SLC1A3: variants seen among roughly 807,000 people sequenced by gnomAD.
SLC1A3 encodes solute carrier family 1 member 3.
SLC1A3 carries 21 observed loss-of-function variants against 48.1 expected under a neutral mutation model. The ratio of observed to expected loss-of-function variants is 0.44; its 90% CI spans 0.31 to 0.63. The LOEUF (loss-of-function observed/expected upper bound fraction) is 0.63. Ranked by LOEUF, SLC1A3 falls within the 20% of genes least tolerant of loss-of-function variation. The pLI is 0.08. For synonymous variants in SLC1A3, 239 were observed against 251.4 expected, an observed-to-expected ratio of 0.95 and a Z score of 0.47; for missense variants, 546 against 689.0, an observed-to-expected ratio of 0.79 and a Z score of 2.32.
chr5:36,640,658 T>C (rs951848646), intron 3 of SLC1A3, among the ~76,000 whole-genome samples: 2 of 152,154 alleles, frequency 1.3e-5, no homozygotes, highest in African/African-American at 4.8e-5. Context: ...GCTAATCCTT[T>C]AGAAGGATAC....
intron 3 of SLC1A3, among the ~76,000 whole-genome samples, chr5:36,653,975 T>G (rs1580001181): frequency 6.6e-6 from 1 of 152,082 alleles, no homozygotes; most frequent in Admixed American, 6.5e-5. Context: ...TCCTGAGTAG[T>G]TGGGATTACA....
At chr5:36,676,745 AAGAG>A (rs933068441) in intron 5 of SLC1A3, 143 bp from the exon 6 acceptor site, 5 of 643,944 alleles carry the variant, frequency 7.8e-6, no homozygotes, top group African/African-American at 1.8e-5. Flanking sequence ...CCACAGATTA[AAGAG>A]AGAGAGAGAC....
chr5:36,668,358 T>C (rs111852450), intron 3 of SLC1A3: 1 of 152,444 alleles, frequency 6.6e-6, no homozygotes, highest in Admixed American at 6.5e-5. Flanking sequence ...CCACCAGTAT[T>C]AAGGCCATTG....
chr5:36,635,292 C>G (rs1370035247), intron 3 of SLC1A3, among the ~76,000 whole-genome samples: 1 of 152,108 alleles, frequency 6.6e-6, no homozygotes, highest in African/African-American at 2.4e-5. Flanking sequence ...GGATTTATGC[C>G]TGGCACATAG....
At chr5:36,642,910 C>A (rs1740677712) in intron 3 of SLC1A3, among the ~76,000 whole-genome samples, 1 of 152,078 alleles carries the variant, frequency 6.6e-6, no homozygotes, top group African/African-American at 2.4e-5. Flanking sequence ...CTTTTTATAG[C>A]TGAATAATAA....
intron 2 of SLC1A3, among the ~76,000 whole-genome samples, chr5:36,617,715 T>A (rs1739501446): frequency 6.6e-6 from 1 of 152,102 alleles, no homozygotes. Context: ...CCTGGGATAT[T>A]ATTCCTTAGC....
At chr5:36,652,102 A>G (rs929151117) in intron 3 of SLC1A3, among the ~76,000 whole-genome samples, 1 of 152,188 alleles carries the variant, frequency 6.6e-6, no homozygotes, top group Admixed American at 6.5e-5. Flanking sequence ...AGATTCACTG[A>G]TTCAATCCTT....
chr5:36,670,920 C>T (rs2111928602), intron 3 of SLC1A3, 109 bp from the exon 4 acceptor site: 1 of 942,418 alleles, frequency 1.1e-6, no homozygotes, highest in African/African-American at 1.6e-5. Flanking sequence ...AATCCCATGG[C>T]TGGGTGGGAT....
chr5:36,650,038 C>T (rs1248967334), intron 3 of SLC1A3, among the ~76,000 whole-genome samples: 1 of 152,148 alleles, frequency 6.6e-6, no homozygotes, highest in Non-Finnish European at 1.5e-5. Context: ...TTCAGAAATA[C>T]GTTTGTGGGC....
chr5:36,636,643 A>G (rs1346366935), intron 3 of SLC1A3, among the ~76,000 whole-genome samples: 2 of 124,782 alleles, frequency 1.6e-5, no homozygotes, highest in South Asian at 4.8e-4. Context: ...CTCTCACCTG[A>G]GTCTTTCACC....
chr5:36,618,145 A>T (rs901316101), intron 2 of SLC1A3, among the ~76,000 whole-genome samples: 7 of 152,240 alleles, frequency 4.6e-5, no homozygotes, highest in African/African-American at 1.7e-4. Flanking sequence ...AATCAGGTAG[A>T]TGCAGGTATC....
In SLC1A3 at chr5:36,652,177, T is replaced by C. The variant is rs557193863; in HGVS notation, c.320-18852T>C. On this transcript the variant is annotated intron_variant, in intron 3 of 9. Coordinates refer to ENST00000265113, the MANE Select transcript of SLC1A3 (RefSeq NM_004172.5). ...TGCAATTCTGCCGTAGGACATGAAG[T>C]CGTGTGTGCCTGCTGTTGAAAGCAG... 3.3e-5 allele frequency among the ~76,000 whole-genome samples: 5 copies of C among 152,332 alleles called. No individual in the cohort carries two copies. In the South Asian group the frequency reaches 1.0e-3, roughly 32 times the overall value.
At chr5:36,677,904 T>G (rs1410232858) in intron 6 of SLC1A3, among the ~76,000 whole-genome samples, 1 of 152,238 alleles carries the variant, frequency 6.6e-6, no homozygotes, top group Admixed American at 6.5e-5. Flanking sequence ...TCTGCTGCAA[T>G]ATCTAAAAGA....
intron 2 of SLC1A3, among the ~76,000 whole-genome samples, chr5:36,614,745 A>G (rs972298611): frequency 2.6e-5 from 4 of 152,258 alleles, no homozygotes; most frequent in African/African-American, 9.6e-5. Flanking sequence ...TCTTTCCTCC[A>G]GCCCTTTGGT....
Position 36,677,085 on chromosome 5 carries a change from G to T in SLC1A3, c.761G>T (p.Gly254Val). ...CTAGTTGTCTTCTCCATGTGCTTCG[G>T]TTTTGTGATTGGAAACATGAAGGAA... is the stretch of plus-strand genomic sequence containing the variant. ...LGLVVFSMCF[G>V]FVIGNMKEQG... The change falls in exon 6 of 10, where the codon GGT becomes GTT. Residue 254 changes from glycine (G) to valine (V), a missense_variant. Transcript: ENST00000265113. 6.2e-7 allele frequency: 1 copy of T among 1,614,118 alleles called. No homozygotes were observed. The highest frequency in any genetic ancestry group is 8.5e-7 in the Non-Finnish European group (1 of 1,179,980).
At chr5:36,640,521 C>G (rs1234928041) in intron 3 of SLC1A3, among the ~76,000 whole-genome samples, 1 of 152,146 alleles carries the variant, frequency 6.6e-6, no homozygotes, top group Non-Finnish European at 1.5e-5. Flanking sequence ...TCCAGGTTTT[C>G]TTCAAAGGGA....
chr5:36,674,032 T>C lies in SLC1A3; in HGVS notation c.525-17T>C. The C allele has an allele frequency of 6.2e-7, 1 of 1,611,394 alleles. No homozygotes were observed. The highest frequency in any genetic ancestry group is 8.5e-7 in the Non-Finnish European group (1 of 1,177,612). On this transcript the variant is annotated splice_polypyrimidine_tract_variant and intron_variant, in intron 4 of 9. Transcript: ENST00000265113. ...TTACTTGGAAAATTTTGCAAGTGAC[T>C]ATTACTTTCTTTGCAGGAACATGTT...
chr5:36,672,018 T>A (rs1040344713), intron 4 of SLC1A3, among the ~76,000 whole-genome samples: 1 of 152,248 alleles, frequency 6.6e-6, no homozygotes, highest in South Asian at 2.1e-4. Flanking sequence ...TTTGCCAAGG[T>A]GCGGGCAGCC....
At chr5:36,630,396 C>G (rs1367120412) in intron 3 of SLC1A3, 3 of 152,254 alleles carry the variant, frequency 2.0e-5, no homozygotes, top group African/African-American at 7.2e-5. Context: ...TTCCTGCCCA[C>G]TCTTCTCTTT....
Sources: gnomAD v4.1 joint callset for allele counts (sites outside exome capture counted in the v4.1 genomes callset) on GRCh38, gnomAD v4.1.1 for gene constraint, MANE v1.5 for transcripts, NCBI Gene and HGNC (gene_info 2026-07-23, HGNC 2026-07-21) for gene names.